Variants in MAP2 observed in about 807,000 individuals in gnomAD.
MAP2 encodes the protein microtubule associated protein 2.
A neutral mutation model predicts 137.6 loss-of-function variants in MAP2; 14 were observed. The ratio of observed to expected loss-of-function variants is 0.10; its 90% CI spans 0.07 to 0.16. The LOEUF (loss-of-function observed/expected upper bound fraction) is 0.16, where lower values mean the gene tolerates loss of function less well. Ranked by LOEUF, MAP2 falls within the 10% of genes least tolerant of loss-of-function variation. The pLI, the probability that MAP2 is intolerant of heterozygous loss-of-function variation, is 1.00. For synonymous variants in MAP2, 786 were observed against 782.3 expected, an observed-to-expected ratio of 1.00 and a Z score of -0.08; for missense variants, 2,088 against 2,191.5, an observed-to-expected ratio of 0.95 and a Z score of 0.94.
At chr2:209,623,674 A>G (rs949031008) in intron 3 of MAP2, among the ~76,000 whole-genome samples, 3 of 152,114 alleles carry the variant, frequency 2.0e-5, no homozygotes, top group African/African-American at 7.2e-5. Flanking sequence ...AATTCTCTAA[A>G]TAGTCTGAAG....
chr2:209,624,216 A>G (rs1434921935), intron 3 of MAP2, among the ~76,000 whole-genome samples: 1 of 152,162 alleles, frequency 6.6e-6, no homozygotes, highest in Admixed American at 6.5e-5. Context: ...ATCTTCCTAG[A>G]AGATATGACG....
At position 209,692,652 on chromosome 2, in the gene MAP2, T is replaced by G; in HGVS notation, c.482T>G (p.Phe161Cys). Residue 161 changes from phenylalanine (F) to cysteine (C), a missense_variant, in exon 8 of 16, where the codon TTC becomes TGC. By Grantham distance (205) the Phe-to-Cys change is radical (BLOSUM62 -2). This residue lies in a region of MAP2 where 859 missense variants were observed against 794.5 expected (regional missense o/e 1.08). Transcript: ENST00000682079. ...TTACTTACAGCCTCGAAGATGGAGT[T>G]CCACGATCAACAGGAATTGACTCCC... Reference protein sequence around the residue: ...EDLLTASKMEFHDQQELTPST... With the variant: ...EDLLTASKMECHDQQELTPST... The G allele has an allele frequency of 2.5e-6, 4 of 1,588,798 alleles. No homozygotes were observed. Among genetic ancestry groups the G allele is most frequent in the Non-Finnish European group, 3.4e-6 (4 of 1,172,656 alleles).
At chr2:209,506,771 C>A (rs1308935935) in intron 1 of MAP2, among the ~76,000 whole-genome samples, 3 of 152,172 alleles carry the variant, frequency 2.0e-5, no homozygotes, top group Non-Finnish European at 2.9e-5. Context: ...AACTTTGCTA[C>A]CTTTAGCAAA....
intron 4 of MAP2, among the ~76,000 whole-genome samples, chr2:209,639,109 A>G (rs1200230537): frequency 6.6e-6 from 1 of 152,046 alleles, no homozygotes; most frequent in Non-Finnish European, 1.5e-5. Flanking sequence ...TGCTTAAGCA[A>G]TCCTCCCACC....
chr2:209,719,643 G>A (rs1461752041), intron 13 of MAP2, among the ~76,000 whole-genome samples: 1 of 152,144 alleles, frequency 6.6e-6, no homozygotes, highest in Non-Finnish European at 1.5e-5. Flanking sequence ...GAGAGAGAGA[G>A]CACCGTGGCA....
Position 209,730,748 on chromosome 2 carries a change from C to A in MAP2, c.*351C>A. 1 of 199,398 alleles carries A rather than the reference C, an allele frequency of 5.0e-6. No homozygotes were observed. Among genetic ancestry groups the A allele is most frequent in the East Asian group, 1.4e-4 (1 of 7,198 alleles). 12.4% of individuals were successfully genotyped at this position (199,398 alleles called of 1,614,324 possible). On this transcript the variant is annotated 3_prime_UTR_variant, in exon 16 of 16. Transcript: ENST00000682079. ...TCTGAAGGCCTTGTTAAAATCCAAG[C>A]TGCTCATTTCACTATTCTGTTTCTG...
intron 3 of MAP2, among the ~76,000 whole-genome samples, chr2:209,613,228 C>T (rs980121362): frequency 6.6e-6 from 1 of 150,880 alleles, no homozygotes; most frequent in African/African-American, 2.5e-5. Flanking sequence ...CTTCCAGTCT[C>T]TTAACGTGTT....
chr2:209,567,887 G>A (rs944685634), intron 2 of MAP2, among the ~76,000 whole-genome samples: 1 of 152,010 alleles, frequency 6.6e-6, no homozygotes, highest in African/African-American at 2.4e-5. Flanking sequence ...AATGAGCCAT[G>A]AAGTTTTAGT....
At chr2:209,696,819 T>C (rs2060294459) in intron 9 of MAP2, 71 bp downstream of exon 9, 43 of 1,528,776 alleles carry the variant, frequency 2.8e-5, no homozygotes, top group Non-Finnish European at 3.7e-5. Context: ...CAGAACTGCC[T>C]AACAGTGGTA....
intron 2 of MAP2, among the ~76,000 whole-genome samples, chr2:209,520,539 C>T (rs933317361): frequency 2.0e-5 from 3 of 151,930 alleles, no homozygotes; most frequent in Admixed American, 2.0e-4. Flanking sequence ...GTCACAAGGG[C>T]TTAATCTTTC....
chr2:209,638,676 T>C (rs910942463), intron 4 of MAP2, among the ~76,000 whole-genome samples: 39 of 152,318 alleles, frequency 2.6e-4, no homozygotes, highest in African/African-American at 8.9e-4. Context: ...ATTTTTCTTT[T>C]TAAATATGTA....
At chr2:209,510,348 C>T (rs2061578861) in intron 2 of MAP2, among the ~76,000 whole-genome samples, 1 of 151,930 alleles carries the variant, frequency 6.6e-6, no homozygotes, top group Non-Finnish European at 1.5e-5. Context: ...TCACCATTTA[C>T]TCATTGTTGG....
At chr2:209,653,558 C>A in intron 5 of MAP2, 126 bp downstream of exon 5, 1 of 959,204 alleles carries the variant, frequency 1.0e-6, no homozygotes, top group Non-Finnish European at 1.4e-6. Flanking sequence ...TCCAGTCAGT[C>A]AGAGGAAATA....
chr2:209,464,010 AT>A (rs1703516347), intron 1 of MAP2, among the ~76,000 whole-genome samples: 1 of 152,146 alleles, frequency 6.6e-6, no homozygotes, highest in Non-Finnish European at 1.5e-5. Context: ...CATGACAAAT[AT>A]TACAGGTGTT....
intron 1 of MAP2, among the ~76,000 whole-genome samples, chr2:209,427,968 TTC>T (rs1317592697): frequency 1.3e-5 from 2 of 152,158 alleles, no homozygotes; most frequent in South Asian, 4.1e-4. Context: ...TGTTTTGTTT[TTC>T]TGTTTCAACA....
chr2:209,613,612 C>G (rs2087848942), intron 3 of MAP2, among the ~76,000 whole-genome samples: 1 of 152,150 alleles, frequency 6.6e-6, no homozygotes, highest in Non-Finnish European at 1.5e-5. Flanking sequence ...GAGAAGAGCT[C>G]TACACTTGGT....
chr2:209,636,042 A>G (rs1025745901), intron 4 of MAP2, among the ~76,000 whole-genome samples: 4 of 152,018 alleles, frequency 2.6e-5, no homozygotes, highest in African/African-American at 9.7e-5. Context: ...TAAACCTAGT[A>G]ATTTCTTGAG....
In MAP2 at chr2:209,697,068, G is replaced by C; in HGVS notation, c.4522+17G>C. On this transcript the variant is annotated intron_variant, in intron 10 of 15. Coordinates refer to ENST00000682079, the MANE Select transcript of MAP2 (RefSeq NM_001375505.1). ...AAACCACAGGTGACTGTTCAATTCTGCAATGTGACTGGCAAACATAGACAT... is the reference window on the plus strand; with the variant it reads ...AAACCACAGGTGACTGTTCAATTCTCCAATGTGACTGGCAAACATAGACAT... 1.4e-5 allele frequency: 22 copies of C among 1,565,524 alleles called. No homozygotes were observed. The highest frequency in any genetic ancestry group is 1.9e-5 in the Non-Finnish European group (22 of 1,163,452).
In MAP2 at chr2:209,461,638, C is replaced by T. The variant is rs577345466; in HGVS notation, c.-222+37362C>T. Among the ~76,000 whole-genome samples the T allele has an allele frequency of 8.4e-4, 127 of 152,080 alleles. 1 individual carries two copies. Among genetic ancestry groups the T allele is most frequent in the African/African-American group, 2.7e-3 (114 of 41,498 alleles). On this transcript the variant is annotated intron_variant, in intron 1 of 15. Coordinates refer to ENST00000682079, the MANE Select transcript of MAP2 (RefSeq NM_001375505.1). ...CTAATTTTTGTGTTTTCAGTGGAGA[C>T]GGGGTTTCTCCATGTTGGTCAGGCT...
Sources: gnomAD v4.1 joint callset for allele counts (sites outside exome capture counted in the v4.1 genomes callset) on GRCh38, gnomAD v4.1.1 for gene constraint, gnomAD v4.1.1 regional missense constraint, MANE v1.5 for transcripts, NCBI Gene and HGNC (gene_info 2026-07-23, HGNC 2026-07-21) for gene names.